Variants in HPCAL1 observed in about 807,000 individuals in gnomAD.
HPCAL1 encodes hippocalcin-like protein 1.
A neutral mutation model predicts 17.1 loss-of-function variants in HPCAL1; 8 were observed. The observed-to-expected ratio is 0.47, with a 90% CI of 0.27 to 0.84. The LOEUF is 0.84. Among genes scored for constraint, HPCAL1 ranks in the 40% least tolerant of loss-of-function variants. The pLI is 0.13. For missense variants in HPCAL1, 165 were observed against 271.1 expected (o/e 0.61, Z 2.75); for synonymous variants, 112 against 111.4 (o/e 1.01, Z -0.03).
At chr2:10,405,299 A>C (rs1451789515) in intron 2 of HPCAL1, among the ~76,000 whole-genome samples, 1 of 152,126 alleles carries the variant, frequency 6.6e-6, no homozygotes, top group African/African-American at 2.4e-5. Context: ...ATTCTGGTTC[A>C]ATTTTACAGA....
intron 1 of HPCAL1, among the ~76,000 whole-genome samples, chr2:10,393,367 A>T (rs1668824037): frequency 6.6e-6 from 1 of 152,218 alleles, no homozygotes; most frequent in Non-Finnish European, 1.5e-5. Flanking sequence ...TCTCCGGAAC[A>T]GCAGACCCCC....
chr2:10,379,994 G>C lies in HPCAL1; in HGVS notation c.-110-16841G>C, dbSNP rs377424880. Among the ~76,000 whole-genome samples, 19 of 152,128 alleles carry C rather than the reference G, an allele frequency of 1.2e-4. No individual in the cohort carries two copies. The East Asian group carries it at 1.5e-3, about 12-fold the overall frequency. Reference sequence around the variant, plus strand: ...CAAGTCAGGCATGCCCTCTTGTTAGGGAAGGTGGATTCCTGACCTGAGTCC... The same window carrying C: ...CAAGTCAGGCATGCCCTCTTGTTAGCGAAGGTGGATTCCTGACCTGAGTCC... On this transcript the variant is annotated intron_variant, in intron 1 of 4. Coordinates refer to ENST00000307845, the MANE Select transcript of HPCAL1 (RefSeq NM_002149.4).
intron 2 of HPCAL1, among the ~76,000 whole-genome samples, chr2:10,400,006 G>A (rs80152269): frequency 0.026 from 3,935 of 152,322 alleles, 229 homozygotes; most frequent in East Asian, 0.18. Flanking sequence ...ACAGAAATGA[G>A]AGAAAGGATC....
chr2:10,393,758 G>C (rs1301738376), intron 1 of HPCAL1, among the ~76,000 whole-genome samples: 1 of 152,132 alleles, frequency 6.6e-6, no homozygotes, highest in Non-Finnish European at 1.5e-5. Context: ...CCAGCTGGGG[G>C]CATGCAGAGG....
chr2:10,397,560 G>A (rs1311253464), intron 2 of HPCAL1, among the ~76,000 whole-genome samples: 1 of 152,234 alleles, frequency 6.6e-6, no homozygotes, highest in Non-Finnish European at 1.5e-5. Context: ...TTGAGGGAGG[G>A]CAAAGTGCTT....
At chr2:10,326,376 T>C (rs1446444872) in intron 1 of HPCAL1, among the ~76,000 whole-genome samples, 3 of 152,220 alleles carry the variant, frequency 2.0e-5, no homozygotes, top group African/African-American at 7.2e-5. Flanking sequence ...GAGGCTGGCA[T>C]CACAGGTTCT....
intron 1 of HPCAL1, among the ~76,000 whole-genome samples, chr2:10,335,829 G>A (rs985758664): frequency 3.3e-5 from 5 of 152,198 alleles, no homozygotes; most frequent in African/African-American, 9.7e-5. Context: ...GTGTAAAATA[G>A]TATCTCATGA....
At chr2:10,386,940 C>A (rs1233586583) in intron 1 of HPCAL1, among the ~76,000 whole-genome samples, 1 of 152,256 alleles carries the variant, frequency 6.6e-6, no homozygotes, top group African/African-American at 2.4e-5. Context: ...CTGGCCTCCA[C>A]ATGAGGCAGG....
intron 1 of HPCAL1, among the ~76,000 whole-genome samples, chr2:10,348,846 T>G (rs1665643276): frequency 6.6e-6 from 1 of 152,162 alleles, no homozygotes; most frequent in South Asian, 2.1e-4. Flanking sequence ...GGTATGATGT[T>G]CGTTGAACCC....
chr2:10,309,428 CG>C (rs1218359467), intron 1 of HPCAL1, among the ~76,000 whole-genome samples: 9 of 152,240 alleles, frequency 5.9e-5, no homozygotes, highest in Admixed American at 5.9e-4. Context: ...AAGAATTAAA[CG>C]AGGTCACTTT....
chr2:10,414,897 G>C (rs772538518), intron 2 of HPCAL1, among the ~76,000 whole-genome samples: 1 of 152,226 alleles, frequency 6.6e-6, no homozygotes, highest in Non-Finnish European at 1.5e-5. Flanking sequence ...AGCGGCAGAC[G>C]GGAGGCTGAA....
At chr2:10,333,463 G>C (rs1362891781) in intron 1 of HPCAL1, among the ~76,000 whole-genome samples, 3 of 152,162 alleles carry the variant, frequency 2.0e-5, no homozygotes, top group African/African-American at 7.2e-5. Context: ...CCTGCTGGCA[G>C]ATGTATCACC....
intron 1 of HPCAL1, among the ~76,000 whole-genome samples, chr2:10,329,391 C>A (rs1234817117): frequency 6.6e-6 from 1 of 152,206 alleles, no homozygotes; most frequent in South Asian, 2.1e-4. Flanking sequence ...AAGTAAGGAA[C>A]CTGTCCCAGC....
intron 1 of HPCAL1, among the ~76,000 whole-genome samples, chr2:10,317,366 G>A (rs1223699712): frequency 1.3e-5 from 2 of 151,778 alleles, no homozygotes; most frequent in African/African-American, 4.8e-5. Context: ...CTTAAAGCTA[G>A]AGATGCCTGC....
rs1397937876 is a variant in HPCAL1, at chr2:10,426,777, G to A, written c.538G>A (p.Val180Ile). 2 of 1,613,404 alleles carry A rather than the reference G, an allele frequency of 1.2e-6. No individual in the cohort carries two copies. Among genetic ancestry groups the A allele is most frequent in the Non-Finnish European group, 1.7e-6 (2 of 1,179,994 alleles). Residue 180 changes from valine (V) to isoleucine (I), a missense_variant, in exon 5 of 5, where the codon GTC becomes ATC. Physicochemically the swap from Val to Ile is conservative, Grantham distance 29. Transcript: ENST00000307845. ...IRGAKSDPSI[V>I]RLLQCDPSSA... ...AGGTGCCAAGAGCGACCCCTCCATCGTCCGCCTGCTGCAGTGCGACCCCAG... is the reference window on the plus strand; with the variant it reads ...AGGTGCCAAGAGCGACCCCTCCATCATCCGCCTGCTGCAGTGCGACCCCAG...
chr2:10,356,615 C>T (rs1666175155), intron 1 of HPCAL1, among the ~76,000 whole-genome samples: 1 of 152,180 alleles, frequency 6.6e-6, no homozygotes, highest in South Asian at 2.1e-4. Context: ...CCCAGGTCTA[C>T]CTGGCTCCAT....
rs780045395 is a variant in HPCAL1 at position 10,423,073 on chromosome 2, G to A, written c.469G>A (p.Asp157Asn). ...CACAGACAAGATCTTCAGGCAGATG[G>A]ACACCAACAATGACGGTAGTGCGGG... ...KRTDKIFRQM[D>N]TNNDGKLSLE... The change falls in exon 4 of 5, where the codon GAC becomes AAC. Residue 157 changes from aspartate to asparagine, a missense_variant. By Grantham distance (23) the Asp-to-Asn change is conservative. Coordinates refer to ENST00000307845, the MANE Select transcript of HPCAL1 (RefSeq NM_002149.4). The A allele has an allele frequency of 1.2e-6, 2 of 1,612,348 alleles. No individual in the cohort carries two copies. The highest frequency in any genetic ancestry group is 1.7e-6 in the Non-Finnish European group (2 of 1,178,842).
intron 1 of HPCAL1, among the ~76,000 whole-genome samples, chr2:10,379,269 G>C (rs1667788574): frequency 6.6e-6 from 1 of 151,782 alleles, no homozygotes; most frequent in Non-Finnish European, 1.5e-5. Flanking sequence ...CCCTCTTTCT[G>C]CTTGTAAATG....
At chr2:10,424,718 C>A in intron 4 of HPCAL1, 1 of 450,370 alleles carries the variant, frequency 2.2e-6, no homozygotes, top group South Asian at 1.6e-5. Flanking sequence ...GAGCTTGGGG[C>A]AAGGAGGGAA....
Sources: allele counts gnomAD v4.1 joint callset (sites outside exome capture counted in the v4.1 genomes callset), GRCh38; gene constraint gnomAD v4.1.1; transcripts MANE v1.5; gene names NCBI Gene and HGNC (gene_info 2026-07-23, HGNC 2026-07-21).